The following NTNG1 variants were observed in gnomAD, a reference collection of about 807,000 sequenced individuals.
NTNG1 encodes netrin-G1.
A neutral mutation model predicts 54.0 loss-of-function variants in NTNG1; 16 were observed. That is an observed-to-expected ratio of 0.30 (90% CI 0.20 to 0.45). The LOEUF (loss-of-function observed/expected upper bound fraction) is 0.45. Among genes scored for constraint, NTNG1 ranks in the 20% least tolerant of loss-of-function variants. The probability of loss-of-function intolerance (pLI) is 1.00; values close to 1 mark genes in which losing one functional copy is unlikely to be tolerated. For synonymous variants in NTNG1, 255 were observed against 263.1 expected, an observed-to-expected ratio of 0.97 and a Z score of 0.30; for missense variants, 530 against 678.7, an observed-to-expected ratio of 0.78 and a Z score of 2.43.
intron 2 of NTNG1, among the ~76,000 whole-genome samples, chr1:107,155,521 C>T (rs1293926561): frequency 6.6e-6 from 1 of 152,020 alleles, no homozygotes; most frequent in Non-Finnish European, 1.5e-5. Flanking sequence ...CAACTGTACT[C>T]CACCATTTAG....
intron 2 of NTNG1, among the ~76,000 whole-genome samples, chr1:107,221,196 A>G (rs971935453): frequency 6.6e-6 from 1 of 152,074 alleles, no homozygotes; most frequent in Non-Finnish European, 1.5e-5. Flanking sequence ...GAAAAAGGCA[A>G]TTTCATACAG....
chr1:107,247,607 C>G (rs1297846250), intron 2 of NTNG1, among the ~76,000 whole-genome samples: 2 of 152,164 alleles, frequency 1.3e-5, no homozygotes, highest in Non-Finnish European at 2.9e-5. Context: ...TAGAACTTGA[C>G]CTTTTCCCTC....
intron 2 of NTNG1, among the ~76,000 whole-genome samples, chr1:107,179,150 A>G (rs534471493): frequency 2.6e-5 from 4 of 152,292 alleles, no homozygotes; most frequent in Non-Finnish European, 5.9e-5. Flanking sequence ...GAACAATAAG[A>G]CAATGTACCA....
At chr1:107,415,145 G>T (rs1674109655) in intron 5 of NTNG1, among the ~76,000 whole-genome samples, 1 of 152,112 alleles carries the variant, frequency 6.6e-6, no homozygotes, top group East Asian at 1.9e-4. Flanking sequence ...CAAAGGTATG[G>T]AACCAGCATC....
At chr1:107,352,087 C>G (rs978184422) in intron 3 of NTNG1, among the ~76,000 whole-genome samples, 1 of 152,236 alleles carries the variant, frequency 6.6e-6, no homozygotes, top group East Asian at 1.9e-4. Context: ...CAGGGTTCAG[C>G]CCCTGTGGCT....
chr1:107,268,827 T>A (rs1168630849), intron 2 of NTNG1, among the ~76,000 whole-genome samples: 3 of 152,190 alleles, frequency 2.0e-5, no homozygotes, highest in African/African-American at 7.2e-5. Context: ...TAAAATCTTG[T>A]AGTTGTCTAT....
intron 1 of NTNG1, among the ~76,000 whole-genome samples, chr1:107,147,844 G>A (rs1350537480): frequency 1.3e-5 from 2 of 152,100 alleles, no homozygotes; most frequent in South Asian, 2.1e-4. Flanking sequence ...TCACGCACAC[G>A]TGTCTGTCTT....
chr1:107,208,257 C>T (rs527458495), intron 2 of NTNG1, among the ~76,000 whole-genome samples: 114 of 151,944 alleles, frequency 7.5e-4, no homozygotes, highest in African/African-American at 2.6e-3. Flanking sequence ...TGGAGAAACC[C>T]CCGTCTCTAC....
Position 107,281,528 on chromosome 1 carries a change from T to A in NTNG1, c.247-42754T>A, listed in dbSNP as rs1236393303. Among the ~76,000 whole-genome samples the A allele has an allele frequency of 2.0e-5, 3 of 152,330 alleles. No individual in the cohort carries two copies. The East Asian group carries it at 5.8e-4, about 29-fold the overall frequency. ...TGTTAAGAGTTGTCGAATTTTCATG[T>A]TGTTGGCACAGAACTGTGAGGAAAT... On this transcript the variant is annotated intron_variant, in intron 2 of 7. Coordinates refer to ENST00000370068, the MANE Select transcript of NTNG1 (RefSeq NM_001113226.3).
chr1:107,367,461 G>A (rs561679504), intron 3 of NTNG1, among the ~76,000 whole-genome samples: 1 of 152,174 alleles, frequency 6.6e-6, no homozygotes, highest in Non-Finnish European at 1.5e-5. Flanking sequence ...AACTTCATTT[G>A]TAACTAAGAT....
At chr1:107,474,464 A>G (rs1350847510) in intron 7 of NTNG1, among the ~76,000 whole-genome samples, 1 of 152,236 alleles carries the variant, frequency 6.6e-6, no homozygotes, top group African/African-American at 2.4e-5. Flanking sequence ...AGTACTATCA[A>G]CTCATGGTGG....
At chr1:107,342,778 G>A (rs1253960765) in intron 3 of NTNG1, among the ~76,000 whole-genome samples, 1 of 151,990 alleles carries the variant, frequency 6.6e-6, no homozygotes, top group Non-Finnish European at 1.5e-5. Flanking sequence ...TCTAAAGGCA[G>A]AATTATCCTA....
intron 2 of NTNG1, among the ~76,000 whole-genome samples, chr1:107,164,436 G>A (rs906044769): frequency 6.6e-6 from 1 of 152,238 alleles, no homozygotes; most frequent in Non-Finnish European, 1.5e-5. Context: ...AGTAACAAGT[G>A]TTAGTAATTT....
At chr1:107,419,359 T>G (rs1280526243) in intron 5 of NTNG1, among the ~76,000 whole-genome samples, 1 of 151,872 alleles carries the variant, frequency 6.6e-6, no homozygotes, top group Non-Finnish European at 1.5e-5. Flanking sequence ...CAATCTGTTC[T>G]CTTTCTGTCC....
At chr1:107,387,312 A>T (rs574546155) in intron 3 of NTNG1, among the ~76,000 whole-genome samples, 9 of 152,306 alleles carry the variant, frequency 5.9e-5, no homozygotes, top group Middle Eastern at 3.4e-3. Context: ...TGGGCCAAAA[A>T]TTTTATTCTG....
chr1:107,250,761 G>A (rs1662551427), intron 2 of NTNG1, among the ~76,000 whole-genome samples: 1 of 151,962 alleles, frequency 6.6e-6, no homozygotes, highest in Non-Finnish European at 1.5e-5. Flanking sequence ...AGCTGCTCCT[G>A]GAGAGGAAGA....
chr1:107,340,478 C>T (rs1457093760), intron 3 of NTNG1, among the ~76,000 whole-genome samples: 1 of 152,052 alleles, frequency 6.6e-6, no homozygotes, highest in Non-Finnish European at 1.5e-5. Context: ...CTCAGGGTTA[C>T]ACATTTTATA....
chr1:107,431,961 C>CA (rs1675294298), intron 6 of NTNG1, among the ~76,000 whole-genome samples: 1 of 152,102 alleles, frequency 6.6e-6, no homozygotes, highest in African/African-American at 2.4e-5. Flanking sequence ...ATTGGATCGT[C>CA]AAGATCCAAG....
At chr1:107,445,687 C>T (rs1644545210) in intron 7 of NTNG1, among the ~76,000 whole-genome samples, 1 of 151,968 alleles carries the variant, frequency 6.6e-6, no homozygotes, top group South Asian at 2.1e-4. Context: ...ATAATTTATT[C>T]CAGGGGTCAG....
Sources: gnomAD v4.1 joint callset for allele counts (sites outside exome capture counted in the v4.1 genomes callset) on GRCh38, gnomAD v4.1.1 for gene constraint, MANE v1.5 for transcripts, NCBI Gene and HGNC (gene_info 2026-07-23, HGNC 2026-07-21) for gene names.